ADK: variants seen among roughly 807,000 people sequenced by gnomAD.
ADK encodes adenosine kinase.
A neutral mutation model predicts 44.7 loss-of-function variants in ADK; 24 were observed. The observed-to-expected ratio is 0.54, with a 90% CI of 0.39 to 0.76. The LOEUF is 0.76. Ranked by LOEUF, ADK falls within the 30% of genes least tolerant of loss-of-function variation. The pLI is 0.00. For synonymous variants in ADK, 128 were observed against 142.6 expected (o/e 0.90, Z 0.73); for missense variants, 321 against 425.1 (o/e 0.76, Z 2.15).
chr10:74,304,823 A>G (rs1027215023), intron 3 of ADK, among the ~76,000 whole-genome samples: 6 of 152,118 alleles, frequency 3.9e-5, no homozygotes, highest in African/African-American at 1.2e-4. Flanking sequence ...CTGTGTACCC[A>G]TTATTCATCA....
chr10:74,480,564 C>T (rs1359587449), intron 6 of ADK, among the ~76,000 whole-genome samples: 1 of 152,106 alleles, frequency 6.6e-6, no homozygotes, highest in African/African-American at 2.4e-5. Flanking sequence ...TAGGCATGAG[C>T]CACCACACCC....
chr10:74,447,525 C>T (rs1845627936), intron 6 of ADK, among the ~76,000 whole-genome samples: 2 of 152,080 alleles, frequency 1.3e-5, no homozygotes, highest in Admixed American at 6.5e-5. Context: ...GTTTTAATTG[C>T]CTGTAGTTCA....
chr10:74,589,202 T>C (rs1851631900), intron 7 of ADK, 80 bp from the exon 8 acceptor site: 1 of 1,275,648 alleles, frequency 7.8e-7, no homozygotes. Flanking sequence ...AGAAGAAGAC[T>C]GAATGAGTTT....
intron 1 of ADK, among the ~76,000 whole-genome samples, chr10:74,193,245 T>C (rs1262546165): frequency 1.3e-5 from 2 of 151,134 alleles, no homozygotes; most frequent in Non-Finnish European, 3.0e-5. Context: ...TAGTGTTTTC[T>C]TTTTTTTTCT....
chr10:74,563,983 G>A (rs1026998770), intron 7 of ADK, among the ~76,000 whole-genome samples: 2 of 151,918 alleles, frequency 1.3e-5, no homozygotes, highest in Non-Finnish European at 2.9e-5. Flanking sequence ...ATGCTGGTGC[G>A]CTGCACCCAC....
At chr10:74,228,166 A>T (rs1844617490) in intron 3 of ADK, among the ~76,000 whole-genome samples, 2 of 152,236 alleles carry the variant, frequency 1.3e-5, no homozygotes, top group African/African-American at 2.4e-5. Flanking sequence ...ATGCTTCACG[A>T]GTATACTTGT....
At chr10:74,151,378 G>A (rs1192865479) in intron 1 of ADK, 35 bp downstream of exon 1, 2 of 1,548,402 alleles carry the variant, frequency 1.3e-6, no homozygotes, top group East Asian at 2.4e-5. Context: ...GAGGGTGACG[G>A]CGCTGCAAGC....
chr10:74,286,853 A>AT (rs777721364), intron 3 of ADK, among the ~76,000 whole-genome samples: 47 of 152,068 alleles, frequency 3.1e-4, no homozygotes, highest in Admixed American at 1.9e-3. Flanking sequence ...TTTAAAACAA[A>AT]TTTTTTTATT....
intron 6 of ADK, among the ~76,000 whole-genome samples, chr10:74,501,754 GAT>G (rs781579514): frequency 3.3e-4 from 50 of 152,254 alleles, no homozygotes; most frequent in Non-Finnish European, 6.0e-4. Context: ...AGACATAAAG[GAT>G]CACATATTGT....
chr10:74,218,801 T>C (rs931620314), intron 2 of ADK, among the ~76,000 whole-genome samples: 45 of 152,266 alleles, frequency 3.0e-4, no homozygotes, highest in Admixed American at 1.2e-3. Flanking sequence ...TAAAATACTT[T>C]ACAGACAAGC....
chr10:74,695,655 T>A (rs1856169270), intron 10 of ADK, among the ~76,000 whole-genome samples: 1 of 150,358 alleles, frequency 6.7e-6, no homozygotes, highest in Non-Finnish European at 1.5e-5. Flanking sequence ...TGTGTGTGTG[T>A]GTGAAGATCT....
intron 6 of ADK, among the ~76,000 whole-genome samples, chr10:74,520,271 T>A (rs1342289466): frequency 6.6e-6 from 1 of 151,978 alleles, no homozygotes; most frequent in East Asian, 1.9e-4. Flanking sequence ...CATATATTCT[T>A]CCCTATTATA....
chr10:74,205,689 A>AG (rs1473170904), intron 2 of ADK, among the ~76,000 whole-genome samples: 137 of 151,606 alleles, frequency 9.0e-4, no homozygotes, highest in Non-Finnish European at 1.7e-3. Flanking sequence ...AAAAAAAAAA[A>AG]AAAAAAGAAA....
intron 4 of ADK, among the ~76,000 whole-genome samples, chr10:74,393,023 T>TA (rs1398750036): frequency 1.3e-5 from 2 of 152,122 alleles, no homozygotes; most frequent in Non-Finnish European, 2.9e-5. Context: ...TCTCAATACT[T>TA]ATATATGTGT....
chr10:74,425,744 C>T (rs895024497), intron 6 of ADK, among the ~76,000 whole-genome samples: 4 of 152,120 alleles, frequency 2.6e-5, no homozygotes, highest in Admixed American at 2.6e-4. Flanking sequence ...GTTTGCCTAC[C>T]CCTCTGGATT....
chr10:74,191,521 A>T (rs1842951011), intron 1 of ADK, among the ~76,000 whole-genome samples: 1 of 151,970 alleles, frequency 6.6e-6, no homozygotes, highest in African/African-American at 2.4e-5. Context: ...CAAAGTGCTG[A>T]GACTACAGGT....
intron 7 of ADK, among the ~76,000 whole-genome samples, chr10:74,530,017 C>T (rs1849219074): frequency 6.6e-6 from 1 of 151,972 alleles, no homozygotes; most frequent in South Asian, 2.1e-4. Context: ...TAATACAACA[C>T]CTTAATACAT....
chr10:74,372,681 C>T (rs1003000494), intron 4 of ADK, among the ~76,000 whole-genome samples: 2 of 151,992 alleles, frequency 1.3e-5, no homozygotes, highest in Non-Finnish European at 2.9e-5. Context: ...CTAAAAACTA[C>T]ATAACATTGA....
intron 6 of ADK, among the ~76,000 whole-genome samples, chr10:74,432,214 C>T (rs2133089222): frequency 6.6e-6 from 1 of 152,228 alleles, no homozygotes; most frequent in East Asian, 1.9e-4. Context: ...GTAGCACAAA[C>T]ATTTGCTTTT....
Sources: allele counts gnomAD v4.1 joint callset (sites outside exome capture counted in the v4.1 genomes callset), GRCh38; gene constraint gnomAD v4.1.1; transcripts MANE v1.5; gene names NCBI Gene and HGNC (gene_info 2026-07-23, HGNC 2026-07-21).